The following SLC35F2 variants were observed in gnomAD, a reference collection of about 807,000 sequenced individuals.
SLC35F2 encodes the protein queuine/queuosine transporter SLC35F2.
In SLC35F2, 25 loss-of-function variants were observed where a neutral mutation model predicts 38.1. The ratio of observed to expected loss-of-function variants is 0.66; its 90% CI spans 0.48 to 0.92. The LOEUF is 0.92. SLC35F2 is among the 40% of genes least tolerant of loss of function. The pLI, the probability that SLC35F2 is intolerant of heterozygous loss-of-function variation, is 0.00. For synonymous variants in SLC35F2, 173 were observed against 181.7 expected (o/e 0.95, Z 0.38); for missense variants, 409 against 452.9 (o/e 0.90, Z 0.88).
chr11:107,799,094 C>T (rs1381354724), intron 7 of SLC35F2, among the ~76,000 whole-genome samples: 1 of 152,096 alleles, frequency 6.6e-6, no homozygotes, highest in Non-Finnish European at 1.5e-5. Flanking sequence ...CAAACTACTT[C>T]TAAAGTGCTA....
intron 2 of SLC35F2, 50 bp from the exon 3 acceptor site, chr11:107,811,844 T>C (rs375545489): frequency 2.7e-6 from 4 of 1,509,252 alleles, no homozygotes; most frequent in African/African-American, 2.8e-5. Flanking sequence ...AATGATACCA[T>C]ACATGTTGAT....
Position 107,858,753 on chromosome 11 carries a change from C to T in SLC35F2, c.15G>A (p.Ser5=). 1 of 1,271,706 alleles carries T rather than the reference C, an allele frequency of 7.9e-7. No individual in the cohort carries two copies. The highest frequency in any genetic ancestry group is 1.0e-6 in the Non-Finnish European group (1 of 1,000,792). The allele number at this position is 1,271,706 out of a possible 1,614,324, so 78.8% of individuals were successfully genotyped here. A position where few individuals can be genotyped will look rare whatever the true frequency, so the allele number is the denominator to read the frequency against. ...GCTCTGGGGCGCCGGGGCCCGCTGG[C>T]GAGTCTGCCTCCATCGGCGCCCTTG... MEAD[S]PAGPGAPEPL... The change falls in exon 1 of 8, where the codon TCG becomes TCA. Residue 5 remains serine (S), a synonymous_variant. Coordinates refer to ENST00000525815, the MANE Select transcript of SLC35F2 (RefSeq NM_017515.5).
intron 3 of SLC35F2, chr11:107,810,519 C>G (rs539051766): frequency 1.0e-6 from 1 of 985,208 alleles, no homozygotes. Flanking sequence ...CATTAACCAA[C>G]GCTAAAAGTA....
intron 7 of SLC35F2, among the ~76,000 whole-genome samples, chr11:107,798,591 C>T (rs1374159773): frequency 6.6e-6 from 1 of 152,068 alleles, no homozygotes; most frequent in Non-Finnish European, 1.5e-5. Context: ...AAGTTTCTTG[C>T]GATTACTTTA....
chr11:107,850,460 G>A (rs1860161825), intron 1 of SLC35F2, among the ~76,000 whole-genome samples: 1 of 152,156 alleles, frequency 6.6e-6, no homozygotes, highest in Admixed American at 6.6e-5. Context: ...GAGTGGGGGT[G>A]AGGGTGCTAT....
chr11:107,834,862 TATA>T (rs1302431003), intron 1 of SLC35F2, among the ~76,000 whole-genome samples: 1 of 152,124 alleles, frequency 6.6e-6, no homozygotes, highest in African/African-American at 2.4e-5. Flanking sequence ...ATTATGGAAT[TATA>T]ATTATTATAC....
intron 7 of SLC35F2, among the ~76,000 whole-genome samples, chr11:107,799,289 A>G (rs570618260): frequency 6.1e-4 from 93 of 152,356 alleles, no homozygotes; most frequent in African/African-American, 2.2e-3. Flanking sequence ...GGAATTTATC[A>G]ACTGCATGCT....
rs141062590 is a variant in SLC35F2, at chr11:107,837,994, T to C, written c.110+20664A>G. ...TGACATCTAACACTTATTGAGTGTATACTATATACCAAGCGCTAATTGATT... is the reference window on the plus strand; with the variant it reads ...TGACATCTAACACTTATTGAGTGTACACTATATACCAAGCGCTAATTGATT... On this transcript the variant is annotated intron_variant, in intron 1 of 7. Transcript: ENST00000525815. Among the ~76,000 whole-genome samples the C allele has an allele frequency of 1.2e-3, 175 of 151,528 alleles. 1 individual carries two copies. The highest frequency in any genetic ancestry group is 3.4e-3 in the Middle Eastern group (1 of 294).
intron 1 of SLC35F2, among the ~76,000 whole-genome samples, chr11:107,824,865 AT>A (rs1251696983): frequency 1.9e-4 from 29 of 152,124 alleles, no homozygotes; most frequent in African/African-American, 6.8e-4. Flanking sequence ...CTCTACCCAT[AT>A]GCAGCCATTG....
At chr11:107,835,131 C>G (rs1017743282) in intron 1 of SLC35F2, among the ~76,000 whole-genome samples, 1 of 152,194 alleles carries the variant, frequency 6.6e-6, no homozygotes, top group African/African-American at 2.4e-5. Flanking sequence ...AACACGCACA[C>G]TCACATGCAA....
In SLC35F2 at chr11:107,814,808, C is replaced by G. The variant is rs137893798; in HGVS notation, c.286+982G>C. ...TGAAACCCTGTCTCTACAAAAAATACAAAAATTATCTGGGCACAGTGGCTC... is the reference window on the plus strand; with the variant it reads ...TGAAACCCTGTCTCTACAAAAAATAGAAAAATTATCTGGGCACAGTGGCTC... On this transcript the variant is annotated intron_variant, in intron 2 of 7. Transcript: ENST00000525815. 7.7e-4 allele frequency among the ~76,000 whole-genome samples: 117 copies of G among 152,160 alleles called. 4 individuals are homozygous for G. In the East Asian group the frequency reaches 0.021, roughly 28 times the overall value.
At chr11:107,854,679 T>C (rs1003988561) in intron 1 of SLC35F2, among the ~76,000 whole-genome samples, 6 of 152,142 alleles carry the variant, frequency 3.9e-5, no homozygotes, top group Non-Finnish European at 8.8e-5. Context: ...AGAGAAAAGT[T>C]GTCTGTACCC....
chr11:107,820,209 C>T (rs1045801386), intron 1 of SLC35F2, among the ~76,000 whole-genome samples: 31 of 148,772 alleles, frequency 2.1e-4, no homozygotes, highest in African/African-American at 7.7e-4. Context: ...GAGCCGAGAT[C>T]ATACCACTGC....
At chr11:107,852,621 G>C (rs1860204554) in intron 1 of SLC35F2, among the ~76,000 whole-genome samples, 1 of 151,832 alleles carries the variant, frequency 6.6e-6, no homozygotes, top group African/African-American at 2.4e-5. Flanking sequence ...TGTAATCCCA[G>C]CACTTTGGAG....
intron 3 of SLC35F2, among the ~76,000 whole-genome samples, chr11:107,807,892 T>C (rs1859423426): frequency 6.6e-6 from 1 of 152,152 alleles, no homozygotes; most frequent in African/African-American, 2.4e-5. Flanking sequence ...TATCTTTAAG[T>C]TCAGTAGACA....
intron 1 of SLC35F2, among the ~76,000 whole-genome samples, chr11:107,838,289 G>A (rs1859960750): frequency 6.6e-6 from 1 of 152,064 alleles, no homozygotes; most frequent in South Asian, 2.1e-4. Context: ...AAATGTGTGT[G>A]GGTGCCATAC....
At chr11:107,807,795 G>A (rs936007639) in intron 3 of SLC35F2, among the ~76,000 whole-genome samples, 5 of 152,054 alleles carry the variant, frequency 3.3e-5, no homozygotes, top group Non-Finnish European at 7.4e-5. Flanking sequence ...GGCTGGTCTC[G>A]AACTCCTGAT....
intron 1 of SLC35F2, among the ~76,000 whole-genome samples, chr11:107,855,716 A>T (rs1407776142): frequency 6.6e-6 from 1 of 152,024 alleles, no homozygotes; most frequent in Non-Finnish European, 1.5e-5. Context: ...AGAGATACAT[A>T]AAAAGGACAT....
chr11:107,831,542 T>C (rs572464516), intron 1 of SLC35F2, among the ~76,000 whole-genome samples: 4 of 152,304 alleles, frequency 2.6e-5, no homozygotes, highest in Non-Finnish European at 5.9e-5. Flanking sequence ...CAATCTTATC[T>C]GGTTGCAAGG....
Sources: gnomAD v4.1 joint callset for allele counts (sites outside exome capture counted in the v4.1 genomes callset) on GRCh38, gnomAD v4.1.1 for gene constraint, MANE v1.5 for transcripts, NCBI Gene and HGNC (gene_info 2026-07-23, HGNC 2026-07-21) for gene names.